Variants in DCAF13 observed in about 807,000 individuals in gnomAD.
The protein encoded by DCAF13 is DDB1 and CUL4 associated factor 13.
In DCAF13, 38 loss-of-function variants were observed where a neutral mutation model predicts 59.0. The ratio of observed to expected loss-of-function variants is 0.64; its 90% confidence interval spans 0.50 to 0.84. The LOEUF (loss-of-function observed/expected upper bound fraction) is 0.84. Among genes scored for constraint, DCAF13 ranks in the 40% least tolerant of loss-of-function variants. DCAF13 has a pLI of 0.00. For synonymous variants in DCAF13, 173 were observed against 175.0 expected (o/e 0.99, Z 0.09); for missense variants, 469 against 558.4 (o/e 0.84, Z 1.61).
intron 5 of DCAF13, chr8:103,428,971 C>G (rs1816828219): frequency 6.6e-6 from 1 of 151,800 alleles, no homozygotes; most frequent in African/African-American, 2.4e-5. Flanking sequence ...GTGTGTGTCT[C>G]TTATCCTGTT....
chr8:103,424,189 T>C (rs1253964806), intron 3 of DCAF13, among the ~76,000 whole-genome samples: 1 of 152,000 alleles, frequency 6.6e-6, no homozygotes, highest in African/African-American at 2.4e-5. Flanking sequence ...CGGCTAATTT[T>C]TTTATTTATT....
chr8:103,426,791 T>TCTG (rs1816797478), intron 4 of DCAF13, among the ~76,000 whole-genome samples: 1 of 152,124 alleles, frequency 6.6e-6, no homozygotes, highest in Non-Finnish European at 1.5e-5. Context: ...ATATTTAGGT[T>TCTG]CTGCTTTAGG....
At chr8:103,438,842 T>C (rs1452632815) in intron 8 of DCAF13, among the ~76,000 whole-genome samples, 2 of 152,216 alleles carry the variant, frequency 1.3e-5, no homozygotes, top group African/African-American at 2.4e-5. Context: ...GCAGAAAATT[T>C]ATTTCTCCAG....
At chr8:103,425,252 T>C (rs1160415538) in intron 3 of DCAF13, among the ~76,000 whole-genome samples, 1 of 152,222 alleles carries the variant, frequency 6.6e-6, no homozygotes, top group East Asian at 1.9e-4. Context: ...ACCACATTTA[T>C]GATTTTGTTT....
At chr8:103,420,938 A>G (rs770970108) in intron 2 of DCAF13, 37 bp from the exon 3 acceptor site, 2 of 1,324,592 alleles carry the variant, frequency 1.5e-6, no homozygotes, top group South Asian at 1.2e-5. Context: ...TTTTACATTT[A>G]TAGTTCACTG....
At chr8:103,425,117 C>T (rs1396939974) in intron 3 of DCAF13, among the ~76,000 whole-genome samples, 1 of 152,182 alleles carries the variant, frequency 6.6e-6, no homozygotes, top group Non-Finnish European at 1.5e-5. Flanking sequence ...CATTCATACT[C>T]TTCCCTTAGA....
chr8:103,424,298 A>G (rs1816761668), intron 3 of DCAF13, among the ~76,000 whole-genome samples: 1 of 152,214 alleles, frequency 6.6e-6, no homozygotes, highest in South Asian at 2.1e-4. Flanking sequence ...AAGTGCTGGG[A>G]TTACAGGCGC....
intron 3 of DCAF13, among the ~76,000 whole-genome samples, chr8:103,424,189 T>A (rs1253964806): frequency 4.6e-5 from 7 of 152,118 alleles, no homozygotes; most frequent in Non-Finnish European, 8.8e-5. Flanking sequence ...CGGCTAATTT[T>A]TTTATTTATT....
chr8:103,417,558 T>G (rs1265818644), intron 1 of DCAF13, among the ~76,000 whole-genome samples: 2 of 145,504 alleles, frequency 1.4e-5, no homozygotes. Flanking sequence ...GGGAGAATGG[T>G]GTGAACCCAG....
chr8:103,424,246 C>T (rs1816760035), intron 3 of DCAF13, among the ~76,000 whole-genome samples: 2 of 152,208 alleles, frequency 1.3e-5, no homozygotes, highest in South Asian at 2.1e-4. Context: ...CCATGATGGT[C>T]TCGATCTCCT....
Position 103,442,857 on chromosome 8 carries a change from A to G in DCAF13, c.1313A>G (p.Lys438Arg), listed in dbSNP as rs894317169. ...GTGCCACTTGTGTCAGAGAAGAAGA[A>G]ACACGTAGTGGCAGTTGTAAAATAA... ...GSVPLVSEKK[K>R]HVVAVVK The change falls in exon 11 of 11, where the codon AAA (lysine) becomes AGA (arginine). Residue 438 changes from lysine (K) to arginine (R), a missense_variant. Physicochemically the swap from Lys to Arg is conservative, Grantham distance 26. Around this residue, in one of 3 missense-constraint regions of DCAF13, gnomAD observed 84 missense variants for 92.3 expected, o/e 0.91. Coordinates refer to ENST00000612750, the MANE Select transcript of DCAF13 (RefSeq NM_015420.7). 2.5e-6 allele frequency: 4 copies of G among 1,607,984 alleles called. No individual in the cohort carries two copies. The African/African-American group carries it at 5.4e-5, about 22-fold the overall frequency.
chr8:103,435,673 A>C lies in DCAF13; in HGVS notation c.833A>C (p.His278Pro), dbSNP rs767153044. 2 of 1,612,342 alleles carry C rather than the reference A, an allele frequency of 1.2e-6. No homozygotes were observed. Among genetic ancestry groups the C allele is most frequent in the Non-Finnish European group, 1.7e-6 (2 of 1,179,098 alleles). The change falls in exon 8 of 11, where the codon CAT becomes CCT. Residue 278 changes from histidine (H) to proline (P), a missense_variant. This residue lies in a region of DCAF13 where 355 missense variants were observed against 399.1 expected (regional missense o/e 0.89). Transcript: ENST00000612750. ...GCACTGGACACTCCTGTAATGGTCC[A>C]TATGGATCATGTATCTGCAGTGCTT... The part of the protein sequence containing the change: ...MRALDTPVMV[H>P]MDHVSAVLDV...
intron 9 of DCAF13, 93 bp from the exon 10 acceptor site, chr8:103,441,362 A>G: frequency 2.4e-6 from 3 of 1,235,508 alleles, no homozygotes; most frequent in Non-Finnish European, 3.3e-6. Flanking sequence ...ATCATAAAAG[A>G]TTAGGTTAGG....
intron 1 of DCAF13, among the ~76,000 whole-genome samples, chr8:103,416,031 G>A (rs1254193357): frequency 2.6e-5 from 4 of 152,174 alleles, no homozygotes; most frequent in African/African-American, 4.8e-5. Context: ...TATCCTTCCT[G>A]GTCTGTTCCC....
At position 103,430,861 on chromosome 8, in the gene DCAF13, T is replaced by A. The variant is rs28716608; in HGVS notation, c.702+172T>A. The stretch of plus-strand genomic sequence containing the variant: ...TCATGTTCTTTCAGCTCCCTATTGC[T>A]TTTTAGAGACTCTTAAATTTCTGCT... On this transcript the variant is annotated intron_variant, in intron 6 of 10. Transcript: ENST00000612750. Among the ~76,000 whole-genome samples, 535 of 152,314 alleles carry A rather than the reference T, an allele frequency of 3.5e-3. 4 individuals carry two copies. The highest frequency in any genetic ancestry group is 5.8e-3 in the South Asian group (28 of 4,824).
intron 5 of DCAF13, 59 bp downstream of exon 5, chr8:103,427,311 T>G (rs539195948): frequency 6.8e-7 from 1 of 1,474,490 alleles, no homozygotes; most frequent in Non-Finnish European, 9.3e-7. Flanking sequence ...CAGTTCTGTT[T>G]AGAAAACTTT....
chr8:103,419,259 A>T (rs1257485260), intron 1 of DCAF13, among the ~76,000 whole-genome samples: 2 of 152,086 alleles, frequency 1.3e-5, no homozygotes, highest in African/African-American at 4.8e-5. Context: ...CTGGAGCCAT[A>T]CTGCCTTGGT....
At chr8:103,434,227 A>G (rs1467585341) in intron 7 of DCAF13, among the ~76,000 whole-genome samples, 3 of 152,098 alleles carry the variant, frequency 2.0e-5, no homozygotes, top group African/African-American at 4.8e-5. Flanking sequence ...TAATTACTGT[A>G]TAAACTTGGG....
rs1453810540 is a variant in DCAF13 at position 103,420,471 on chromosome 8, T to C, written c.270+8T>C. The C allele has an allele frequency of 1.2e-6, 2 of 1,610,242 alleles. No homozygotes were observed. Among genetic ancestry groups the C allele is most frequent in the Non-Finnish European group, 1.7e-6 (2 of 1,177,732 alleles). On this transcript the variant is annotated splice_region_variant and intron_variant, in intron 2 of 10. Transcript: ENST00000612750. ...GGGGCGTGTGATGGAGAGGCAAGTG[T>C]CAATCTAGATGATATTTTCAACTAA... is the stretch of plus-strand genomic sequence containing the variant.
Sources: gnomAD v4.1 joint callset for allele counts (sites outside exome capture counted in the v4.1 genomes callset) on GRCh38, gnomAD v4.1.1 for gene constraint, gnomAD v4.1.1 regional missense constraint, MANE v1.5 for transcripts, NCBI Gene and HGNC (gene_info 2026-07-23, HGNC 2026-07-21) for gene names.